Variants in TNFRSF8 observed in about 807,000 individuals in gnomAD.
TNFRSF8 encodes the protein tumor necrosis factor receptor superfamily member 8.
A neutral mutation model predicts 70.8 loss-of-function variants in TNFRSF8; 26 were observed. That is an observed-to-expected ratio of 0.37 (90% CI 0.27 to 0.51). The LOEUF is 0.51. Ranked by LOEUF, TNFRSF8 falls within the 20% of genes least tolerant of loss-of-function variation. The probability of loss-of-function intolerance (pLI) is 0.94; values close to 1 mark genes in which losing one functional copy is unlikely to be tolerated. For synonymous variants in TNFRSF8, 356 were observed against 339.2 expected, an observed-to-expected ratio of 1.05 and a Z score of -0.54; for missense variants, 720 against 807.9, an observed-to-expected ratio of 0.89 and a Z score of 1.32.
chr1:12,123,657 GAAGACCC>G, intron 9 of TNFRSF8, 51 bp from the exon 10 acceptor site: 1 of 1,408,162 alleles, frequency 7.1e-7, no homozygotes, highest in East Asian at 2.5e-5. Flanking sequence ...AATTATTCCT[GAAGACCC>G]ACTTCCCTCT....
At chr1:12,118,925 C>G (rs1233335273) in intron 8 of TNFRSF8, among the ~76,000 whole-genome samples, 1 of 152,090 alleles carries the variant, frequency 6.6e-6, no homozygotes, top group Non-Finnish European at 1.5e-5. Flanking sequence ...AGTGCAGTGA[C>G]GCGATCTTGG....
In TNFRSF8 at chr1:12,063,666, G is replaced by A; in HGVS notation, c.63+5G>A. 6 of 1,271,012 alleles carry A rather than the reference G, an allele frequency of 4.7e-6. No homozygotes were observed. Among genetic ancestry groups the A allele is most frequent in the Non-Finnish European group, 6.0e-6 (6 of 999,360 alleles). 78.7% of individuals were successfully genotyped at this position (1,271,012 alleles called of 1,614,324 possible). A position where few individuals can be genotyped will look rare whatever the true frequency, so the allele number is the denominator to read the frequency against. Reference sequence around the variant, plus strand: ...GCGCTACGAGCCTTCCCACAGGTAAGCGGGTGACGGGCGCCTGGGGAGGTG... The same window carrying A: ...GCGCTACGAGCCTTCCCACAGGTAAACGGGTGACGGGCGCCTGGGGAGGTG... On this transcript the variant is annotated splice_donor_5th_base_variant and intron_variant, in intron 1 of 14. Coordinates refer to ENST00000263932, the MANE Select transcript of TNFRSF8 (RefSeq NM_001243.5). This position sits in a 1 kb window ranked among gnomAD's most constrained non-coding sequence, Gnocchi z 7.2.
intron 12 of TNFRSF8, among the ~76,000 whole-genome samples, chr1:12,133,868 C>T (rs7555170): frequency 0.11 from 16,241 of 151,902 alleles, 944 homozygotes; most frequent in South Asian, 0.22. Flanking sequence ...ACCTGGCCAA[C>T]ATGGTGAAAC....
intron 8 of TNFRSF8, among the ~76,000 whole-genome samples, chr1:12,118,866 G>C (rs546856666): frequency 6.6e-6 from 1 of 152,052 alleles, no homozygotes; most frequent in African/African-American, 2.4e-5. Context: ...TTGTTTGTTT[G>C]TTTCTTTTCT....
At position 12,113,267 on chromosome 1, in the gene TNFRSF8, C is replaced by A. The variant is rs1172698267; in HGVS notation, c.793+1253C>A. 6.6e-6 allele frequency among the ~76,000 whole-genome samples: 1 copy of A among 152,156 alleles called. No homozygotes were observed. Among genetic ancestry groups the A allele is most frequent in the Non-Finnish European group, 1.5e-5 (1 of 68,016 alleles). The stretch of plus-strand genomic sequence containing the variant: ...TGGTTCCCTTCCATGTCGGCCTCTT[C>A]GTGTCTTACCTGGGGCTTCCTCATG... On this transcript the variant is annotated intron_variant, in intron 7 of 14. Coordinates refer to ENST00000263932, the MANE Select transcript of TNFRSF8 (RefSeq NM_001243.5). The surrounding 1 kb of genome is among the most constrained non-coding windows in gnomAD (Gnocchi z 4.9).
At chr1:12,068,837 G>C (rs1028960433) in intron 1 of TNFRSF8, among the ~76,000 whole-genome samples, 1 of 151,808 alleles carries the variant, frequency 6.6e-6, no homozygotes, top group African/African-American at 2.4e-5. Context: ...GCATTTAGAT[G>C]ATCTTCATGA....
rs755218778 is a variant in TNFRSF8, at chr1:12,097,222, G to A, written c.268+5G>A. 1.9e-6 allele frequency: 3 copies of A among 1,612,350 alleles called. No individual in the cohort carries two copies. The highest frequency in any genetic ancestry group is 1.7e-5 in the Admixed American group (1 of 59,976). ...CCTGCGTGACTTGTTCTCGAGGTAA[G>A]GGCCTTGTTCTCTCTCCAGGGCCTC... On this transcript the variant is annotated splice_donor_5th_base_variant and intron_variant, in intron 3 of 14. Coordinates refer to ENST00000263932, the MANE Select transcript of TNFRSF8 (RefSeq NM_001243.5).
At chr1:12,136,259 TGA>T (rs1642143072) in intron 13 of TNFRSF8, among the ~76,000 whole-genome samples, 2 of 152,180 alleles carry the variant, frequency 1.3e-5, no homozygotes, top group South Asian at 4.1e-4. Context: ...GTTACAATAC[TGA>T]GAAATTTCAT....
intron 3 of TNFRSF8, among the ~76,000 whole-genome samples, chr1:12,102,387 C>G (rs1641440701): frequency 6.6e-6 from 1 of 152,192 alleles, no homozygotes; most frequent in Non-Finnish European, 1.5e-5. Flanking sequence ...GGGCTGTGGT[C>G]TCCTTCACTC....
At chr1:12,121,125 C>T (rs1052315219) in intron 8 of TNFRSF8, among the ~76,000 whole-genome samples, 1 of 152,156 alleles carries the variant, frequency 6.6e-6, no homozygotes, top group Non-Finnish European at 1.5e-5. Context: ...AACCCAATGA[C>T]CTTTCAAACA....
intron 1 of TNFRSF8, among the ~76,000 whole-genome samples, chr1:12,070,993 C>T (rs1234298287): frequency 6.6e-6 from 1 of 152,134 alleles, no homozygotes; most frequent in Non-Finnish European, 1.5e-5. Flanking sequence ...GCCCAAGACC[C>T]CCTTTTTTTG....
intron 1 of TNFRSF8, among the ~76,000 whole-genome samples, chr1:12,072,512 C>G (rs1640865201): frequency 6.6e-6 from 1 of 152,136 alleles, no homozygotes; most frequent in South Asian, 2.1e-4. Context: ...TCCTTGCCAG[C>G]TTTGCCCAGG....
intron 12 of TNFRSF8, among the ~76,000 whole-genome samples, chr1:12,129,773 C>T (rs747869746): frequency 6.6e-6 from 1 of 152,168 alleles, no homozygotes; most frequent in Non-Finnish European, 1.5e-5. Context: ...GAGCGCTCGA[C>T]GGAGGTGATG....
intron 2 of TNFRSF8, among the ~76,000 whole-genome samples, chr1:12,093,841 CG>C (rs1294867648): frequency 1.3e-5 from 2 of 152,028 alleles, no homozygotes; most frequent in Admixed American, 1.3e-4. Flanking sequence ...AAGGCCAAGG[CG>C]GGACGGATCA....
At chr1:12,086,106 G>C (rs1332559781) in intron 2 of TNFRSF8, among the ~76,000 whole-genome samples, 1 of 152,176 alleles carries the variant, frequency 6.6e-6, no homozygotes, top group Non-Finnish European at 1.5e-5. Context: ...CTGGAGGGTG[G>C]TGACAGGTTA....
At chr1:12,121,420 C>T (rs1238931599) in intron 8 of TNFRSF8, among the ~76,000 whole-genome samples, 1 of 152,134 alleles carries the variant, frequency 6.6e-6, no homozygotes, top group Non-Finnish European at 1.5e-5. Context: ...GTGCCTCCAC[C>T]AGGGCTCTGG....
At chr1:12,123,052 C>G (rs983673768) in intron 8 of TNFRSF8, among the ~76,000 whole-genome samples, 6 of 152,190 alleles carry the variant, frequency 3.9e-5, no homozygotes, top group Non-Finnish European at 8.8e-5. Context: ...TGGTCTCGAA[C>G]TCCTGACCTC....
intron 1 of TNFRSF8, among the ~76,000 whole-genome samples, chr1:12,074,703 A>G (rs1640907295): frequency 6.6e-6 from 1 of 152,216 alleles, no homozygotes; most frequent in African/African-American, 2.4e-5. Context: ...TCAAAGAGTA[A>G]GTAACCACAT....
At chr1:12,136,465 A>C (rs1023852669) in intron 13 of TNFRSF8, among the ~76,000 whole-genome samples, 5 of 152,070 alleles carry the variant, frequency 3.3e-5, no homozygotes, top group Non-Finnish European at 5.9e-5. Context: ...CCTTGCCAAC[A>C]TAGTGAAACC....
Sources: gnomAD v4.1 joint callset for allele counts (sites outside exome capture counted in the v4.1 genomes callset) on GRCh38, gnomAD v4.1.1 for gene constraint, Gnocchi (gnomAD v3.1) non-coding constraint, MANE v1.5 for transcripts, NCBI Gene and HGNC (gene_info 2026-07-23, HGNC 2026-07-21) for gene names.